NPAS3: variants seen among roughly 807,000 people sequenced by gnomAD.
NPAS3 encodes the protein neuronal PAS domain-containing protein 3.
In NPAS3, 14 loss-of-function variants were observed where a neutral mutation model predicts 73.1. That is an observed-to-expected ratio of 0.19 (90% CI 0.13 to 0.30). The LOEUF is 0.30. Among genes scored for constraint, NPAS3 ranks in the 10% least tolerant of loss-of-function variants. NPAS3 has a pLI of 1.00. For synonymous variants in NPAS3, 620 were observed against 541.5 expected, an observed-to-expected ratio of 1.14 and a Z score of -2.01; for missense variants, 1,096 against 1,250.0, an observed-to-expected ratio of 0.88 and a Z score of 1.86.
intron 5 of NPAS3, among the ~76,000 whole-genome samples, chr14:33,668,711 C>G (rs1340542128): frequency 6.6e-6 from 1 of 152,068 alleles, no homozygotes; most frequent in African/African-American, 2.4e-5. Context: ...CCCAACTACT[C>G]CAGAGGCTGA....
chr14:33,799,883 C>G, exon 12 of NPAS3: 3 of 1,614,198 alleles, frequency 1.9e-6, no homozygotes, highest in Non-Finnish European at 2.5e-6. Context: ...CCCGGACAGC[C>G]GCGACAGCGA....
chr14:33,689,012 A>G (rs928844968), intron 6 of NPAS3, among the ~76,000 whole-genome samples: 8 of 152,236 alleles, frequency 5.3e-5, no homozygotes, highest in African/African-American at 1.7e-4. Flanking sequence ...CTAATAATTG[A>G]GAGTTACTGT....
chr14:32,934,941 G>T, upstream of NPAS3: 2 of 1,219,200 alleles, frequency 1.6e-6, no homozygotes, highest in South Asian at 5.0e-5. The surrounding 1 kb of genome is among the most constrained non-coding windows in gnomAD (Gnocchi z 4.1). Context: ...GCATGGGGAG[G>T]GCCGGCGCCG....
At chr14:33,312,578 A>G (rs1279833724) in intron 3 of NPAS3, among the ~76,000 whole-genome samples, 1 of 152,120 alleles carries the variant, frequency 6.6e-6, no homozygotes, top group Non-Finnish European at 1.5e-5. Context: ...CTATAGAGCT[A>G]TCATTTGTAG....
intron 6 of NPAS3, among the ~76,000 whole-genome samples, chr14:33,689,077 C>G (rs975156756): frequency 2.0e-5 from 3 of 152,228 alleles, no homozygotes. Context: ...TAAGCTAGCT[C>G]TGTATCAGGT....
At chr14:33,302,120 G>T (rs1473965072) in intron 3 of NPAS3, among the ~76,000 whole-genome samples, 1 of 152,162 alleles carries the variant, frequency 6.6e-6, no homozygotes, top group Non-Finnish European at 1.5e-5. Flanking sequence ...GATGAATAAT[G>T]ATTAAATTAA....
chr14:33,159,387 A>G (rs935970623), intron 2 of NPAS3, among the ~76,000 whole-genome samples: 1 of 152,088 alleles, frequency 6.6e-6, no homozygotes, highest in Non-Finnish European at 1.5e-5. Context: ...CAATGAACCT[A>G]CAACCCCCAA....
chr14:33,386,473 T>C (rs2046780510), intron 4 of NPAS3, among the ~76,000 whole-genome samples: 3 of 151,554 alleles, frequency 2.0e-5, no homozygotes, highest in South Asian at 4.2e-4. Flanking sequence ...CAGATGTATG[T>C]ACTGGGGTCC....
chr14:33,792,891 C>T (rs533684529), intron 9 of NPAS3, among the ~76,000 whole-genome samples: 1 of 152,204 alleles, frequency 6.6e-6, no homozygotes, highest in East Asian at 1.9e-4. Flanking sequence ...GGTGAGCTTT[C>T]GCGGGGCGCC....
chr14:33,682,274 A>T (rs1033223310), intron 6 of NPAS3, among the ~76,000 whole-genome samples: 9 of 152,208 alleles, frequency 5.9e-5, no homozygotes, highest in African/African-American at 1.9e-4. Flanking sequence ...CAAGTTCACG[A>T]GTCCCCCAAA....
chr14:33,139,982 A>T (rs1308126934), intron 2 of NPAS3, among the ~76,000 whole-genome samples: 5 of 150,868 alleles, frequency 3.3e-5, no homozygotes, highest in South Asian at 2.1e-4. Context: ...AATTTAAGGG[A>T]TTTTCATTTT....
chr14:33,210,731 C>T (rs1198851345), intron 2 of NPAS3, among the ~76,000 whole-genome samples: 1 of 151,862 alleles, frequency 6.6e-6, no homozygotes, highest in Admixed American at 6.6e-5. Flanking sequence ...ATTGCTTGTC[C>T]TGCAATTGAA....
intron 4 of NPAS3, among the ~76,000 whole-genome samples, chr14:33,398,629 CT>C (rs1334903804): frequency 6.6e-6 from 1 of 151,864 alleles, no homozygotes; most frequent in Non-Finnish European, 1.5e-5. Context: ...TACTCTGGCC[CT>C]AAATAAGTAC....
chr14:33,714,588 A>C (rs2060909851), intron 6 of NPAS3, among the ~76,000 whole-genome samples: 1 of 152,242 alleles, frequency 6.6e-6, no homozygotes, highest in Non-Finnish European at 1.5e-5. Context: ...TAAGAAAGGA[A>C]GACTTTGGGT....
In NPAS3 at chr14:33,534,471, G is replaced by C. The variant is rs548750086; in HGVS notation, c.469-25650G>C. Among the ~76,000 whole-genome samples, 8 of 152,254 alleles carry C rather than the reference G, an allele frequency of 5.3e-5. No homozygotes were observed. In the South Asian group the frequency reaches 1.7e-3, roughly 32 times the overall value. Reference sequence around the variant, plus strand: ...TAGGAGCTGGATACTATAGAAACACGTGAGGAAGTCAGGAGTGTGACTACA... The same window carrying C: ...TAGGAGCTGGATACTATAGAAACACCTGAGGAAGTCAGGAGTGTGACTACA... On this transcript the variant is annotated intron_variant, in intron 4 of 11. Coordinates refer to ENST00000356141, the Ensembl canonical transcript of NPAS3.
At chr14:32,995,154 T>G (rs1322379158) in intron 1 of NPAS3, among the ~76,000 whole-genome samples, 3 of 152,206 alleles carry the variant, frequency 2.0e-5, no homozygotes, top group Non-Finnish European at 4.4e-5. Context: ...TGACCAGAAT[T>G]CTTGATGACC....
Position 33,296,776 on chromosome 14 carries a change from T to A in NPAS3, c.386-70410T>A, listed in dbSNP as rs541930445. ...TTAGATGACGGAAATGACAAAGCTG[T>A]GGTCAAGAATTTTATTAGTCCGGGT... On this transcript the variant is annotated intron_variant, in intron 3 of 11. Coordinates refer to ENST00000356141, the Ensembl canonical transcript of NPAS3. Among the ~76,000 whole-genome samples, 12 of 152,270 alleles carry A rather than the reference T, an allele frequency of 7.9e-5. No individual in the cohort carries two copies. The South Asian group carries it at 2.3e-3, about 29-fold the overall frequency.
chr14:33,097,534 G>C (rs147864750), intron 2 of NPAS3, among the ~76,000 whole-genome samples: 87 of 152,238 alleles, frequency 5.7e-4, no homozygotes, highest in Middle Eastern at 3.4e-3. Context: ...ATTTCTGCTG[G>C]TTATATATGT....
At chr14:33,246,794 G>T (rs1322448819) in intron 3 of NPAS3, among the ~76,000 whole-genome samples, 2 of 129,760 alleles carry the variant, frequency 1.5e-5, no homozygotes, top group African/African-American at 5.8e-5. Context: ...AGGAGTTCGA[G>T]ACCAGGCTGG....
Sources: gnomAD v4.1 joint callset for allele counts (sites outside exome capture counted in the v4.1 genomes callset) on GRCh38, gnomAD v4.1.1 for gene constraint, Gnocchi (gnomAD v3.1) non-coding constraint, MANE v1.5 for transcripts, NCBI Gene and HGNC (gene_info 2026-07-23, HGNC 2026-07-21) for gene names.